The following MKLN1 variants were observed in gnomAD, a reference collection of about 807,000 sequenced individuals.
MKLN1 encodes the protein muskelin 1.
Under a neutral mutation model 99.0 loss-of-function variants are expected in MKLN1, and 18 were observed. The observed-to-expected ratio is 0.18, with a 90% CI of 0.13 to 0.27. The LOEUF (loss-of-function observed/expected upper bound fraction) is 0.27, where lower values mean the gene tolerates loss of function less well. Ranked by LOEUF, MKLN1 falls within the 10% of genes least tolerant of loss-of-function variation. The probability of loss-of-function intolerance (pLI) is 1.00; values close to 1 mark genes in which losing one functional copy is unlikely to be tolerated. For synonymous variants in MKLN1, 288 were observed against 293.2 expected (o/e 0.98, Z 0.18); for missense variants, 621 against 875.9 (o/e 0.71, Z 3.67).
intron 2 of MKLN1, among the ~76,000 whole-genome samples, chr7:131,184,979 A>G (rs371727831): frequency 1.6e-4 from 24 of 152,192 alleles, no homozygotes; most frequent in South Asian, 8.3e-4. Flanking sequence ...TGCCATCAGG[A>G]AAGAGTCAAC....
At chr7:131,176,672 G>A (rs1019884455) in intron 2 of MKLN1, among the ~76,000 whole-genome samples, 1 of 152,224 alleles carries the variant, frequency 6.6e-6, no homozygotes, top group African/African-American at 2.4e-5. Context: ...TGGAAACAGC[G>A]AGTCGTTGTC....
chr7:131,196,682 C>T (rs538744318), intron 2 of MKLN1, among the ~76,000 whole-genome samples: 4 of 152,288 alleles, frequency 2.6e-5, no homozygotes, highest in South Asian at 2.1e-4. Context: ...TGAAAGGCTG[C>T]TTGTACAGTG....
intron 6 of MKLN1, among the ~76,000 whole-genome samples, chr7:131,408,605 G>GT (rs1183991333): frequency 6.6e-6 from 1 of 152,084 alleles, no homozygotes; most frequent in Non-Finnish European, 1.5e-5. Context: ...CCTAAATCAT[G>GT]TTTTTTAAAT....
intron 1 of MKLN1, among the ~76,000 whole-genome samples, chr7:131,356,299 G>A (rs1799877398): frequency 6.6e-6 from 1 of 151,844 alleles, no homozygotes; most frequent in Non-Finnish European, 1.5e-5. Flanking sequence ...CCCTAGCTCC[G>A]GCTGCAACCA....
At chr7:131,396,572 A>C (rs1007166496) in intron 4 of MKLN1, among the ~76,000 whole-genome samples, 1 of 152,046 alleles carries the variant, frequency 6.6e-6, no homozygotes, top group Non-Finnish European at 1.5e-5. Context: ...AAGGTTTTTG[A>C]TGCTTTTTAA....
intron 3 of MKLN1, among the ~76,000 whole-genome samples, chr7:131,267,398 T>G (rs1797823591): frequency 6.6e-6 from 1 of 152,192 alleles, no homozygotes; most frequent in Non-Finnish European, 1.5e-5. Flanking sequence ...ATCTCTTACC[T>G]CTTCCCTCCA....
chr7:131,476,166 A>G (rs1796960475), intron 16 of MKLN1, among the ~76,000 whole-genome samples: 1 of 152,216 alleles, frequency 6.6e-6, no homozygotes, highest in Non-Finnish European at 1.5e-5. Context: ...CTAAATTCCT[A>G]AAGGACACCT....
At chr7:131,468,875 A>G (rs1245028142) in intron 15 of MKLN1, among the ~76,000 whole-genome samples, 1 of 152,182 alleles carries the variant, frequency 6.6e-6, no homozygotes, top group Non-Finnish European at 1.5e-5. Flanking sequence ...AGGTTATTTC[A>G]GGTTGTAAAG....
intron 17 of MKLN1, among the ~76,000 whole-genome samples, chr7:131,486,203 G>C (rs1797270209): frequency 6.6e-6 from 1 of 151,188 alleles, no homozygotes; most frequent in South Asian, 2.1e-4. Context: ...AAACTTTTCT[G>C]TGGGTTTGAA....
chr7:131,350,648 T>G (rs941593754), intron 1 of MKLN1, among the ~76,000 whole-genome samples: 3 of 152,234 alleles, frequency 2.0e-5, no homozygotes, highest in African/African-American at 7.2e-5. Flanking sequence ...GCATCTCTAA[T>G]GTGGTGTTTT....
intron 3 of MKLN1, among the ~76,000 whole-genome samples, chr7:131,239,018 A>G (rs1019496258): frequency 6.6e-6 from 1 of 152,222 alleles, no homozygotes; most frequent in African/African-American, 2.4e-5. Flanking sequence ...AGCAAAAAGA[A>G]GAACCAGGTT....
intron 2 of MKLN1, among the ~76,000 whole-genome samples, chr7:131,384,030 T>A (rs1793931511): frequency 6.6e-6 from 1 of 152,230 alleles, no homozygotes; most frequent in East Asian, 1.9e-4. Context: ...CTTCATGTAA[T>A]TGCACAAACT....
intron 1 of MKLN1, among the ~76,000 whole-genome samples, chr7:131,363,070 T>A (rs1417267467): frequency 6.6e-6 from 1 of 152,062 alleles, no homozygotes; most frequent in Admixed American, 6.6e-5. Flanking sequence ...TACAACATCT[T>A]AGAGTGGATT....
At chr7:131,280,858 C>T (rs1412728149) in intron 3 of MKLN1, among the ~76,000 whole-genome samples, 1 of 152,000 alleles carries the variant, frequency 6.6e-6, no homozygotes, top group Non-Finnish European at 1.5e-5. Flanking sequence ...CTATGTTGAC[C>T]AGGCTGTCTT....
At chr7:131,416,559 C>T (rs1354621906) in intron 8 of MKLN1, among the ~76,000 whole-genome samples, 7 of 146,590 alleles carry the variant, frequency 4.8e-5, no homozygotes, top group South Asian at 2.1e-4. Context: ...CTTGCTCTGT[C>T]GCCCAGGCTG....
At chr7:131,316,573 C>G (rs963918407) in intron 3 of MKLN1, among the ~76,000 whole-genome samples, 1 of 152,142 alleles carries the variant, frequency 6.6e-6, no homozygotes. Flanking sequence ...CAACTCCTCT[C>G]CAGCAAGGAC....
At chr7:131,294,330 C>T (rs1798260685) in intron 3 of MKLN1, among the ~76,000 whole-genome samples, 1 of 152,102 alleles carries the variant, frequency 6.6e-6, no homozygotes, top group Non-Finnish European at 1.5e-5. Context: ...CTTTCTAATG[C>T]TTCAACGGTT....
chr7:131,372,720 G>C (rs899995939), intron 1 of MKLN1, among the ~76,000 whole-genome samples: 11 of 148,168 alleles, frequency 7.4e-5, no homozygotes, highest in African/African-American at 2.5e-4. Context: ...ATATCCCCTA[G>C]GTTTTTTTTT....
intron 16 of MKLN1, chr7:131,478,416 AATG>A: frequency 2.3e-6 from 1 of 430,986 alleles, no homozygotes; most frequent in Non-Finnish European, 4.0e-6. Context: ...TATTTTAGAA[AATG>A]ATAATAGCCT....
Sources: allele counts gnomAD v4.1 joint callset (sites outside exome capture counted in the v4.1 genomes callset), GRCh38; gene constraint gnomAD v4.1.1; transcripts MANE v1.5; gene names NCBI Gene and HGNC (gene_info 2026-07-23, HGNC 2026-07-21).